Variants in CYP27A1 observed in about 807,000 individuals in gnomAD.
The protein encoded by CYP27A1 is cytochrome P450 family 27 subfamily A member 1.
A neutral mutation model predicts 58.2 loss-of-function variants in CYP27A1; 46 were observed. That is an observed-to-expected ratio of 0.79 (90% CI 0.62 to 1.01). The LOEUF (loss-of-function observed/expected upper bound fraction) is 1.01, where lower values mean the gene tolerates loss of function less well. Ranked by LOEUF, CYP27A1 falls within the 50% of genes least tolerant of loss-of-function variation. The probability of loss-of-function intolerance (pLI) is 0.00; values close to 1 mark genes in which losing one functional copy is unlikely to be tolerated. For synonymous variants in CYP27A1, 274 were observed against 285.1 expected (o/e 0.96, Z 0.39); for missense variants, 704 against 687.0 (o/e 1.02, Z -0.28).
At chr2:218,790,339 A>G (rs1455293815) in intron 1 of CYP27A1, among the ~76,000 whole-genome samples, 2 of 152,236 alleles carry the variant, frequency 1.3e-5, no homozygotes, top group African/African-American at 4.8e-5. Context: ...ACAGTGCACC[A>G]CGGAGACTAC....
At chr2:218,783,918 G>A (rs180987562) in intron 1 of CYP27A1, among the ~76,000 whole-genome samples, 12 of 152,292 alleles carry the variant, frequency 7.9e-5, no homozygotes, top group Admixed American at 7.8e-4. Context: ...GTTCCTCTGA[G>A]GGGCCATGGT....
At chr2:218,808,306 G>A (rs929485378) in intron 1 of CYP27A1, among the ~76,000 whole-genome samples, 2 of 152,234 alleles carry the variant, frequency 1.3e-5, no homozygotes, top group African/African-American at 4.8e-5. Flanking sequence ...GTGTTCCTGG[G>A]AGGTAGAAAT....
chr2:218,814,737 A>G lies in CYP27A1; in HGVS notation c.1456A>G (p.Met486Val), dbSNP rs150585977. 1.9e-6 allele frequency: 3 copies of G among 1,613,986 alleles called. No homozygotes were observed. Among genetic ancestry groups the G allele is most frequent in the South Asian group, 1.1e-5 (1 of 91,078 alleles). Residue 486 changes from methionine (M) to valine (V), a missense_variant, in exon 8 of 9, where the codon ATG becomes GTG. Coordinates refer to ENST00000258415, the MANE Select transcript of CYP27A1 (RefSeq NM_000784.4). ...GGGCCGCAGGATTGCAGAGCTGGAGATGCAGCTACTCCTCGCAAGGGTGAG... is the reference window on the plus strand; with the variant it reads ...GGGCCGCAGGATTGCAGAGCTGGAGGTGCAGCTACTCCTCGCAAGGGTGAG... ...CLGRRIAELE[M>V]QLLLARLIQK...
intron 4 of CYP27A1, 41 bp from the exon 5 acceptor site, chr2:218,812,882 AC>A (rs1483471195): frequency 2.5e-6 from 4 of 1,613,554 alleles, no homozygotes; most frequent in African/African-American, 1.3e-5. Context: ...GGAGATCATG[AC>A]TTTTGGCTTT....
chr2:218,797,171 C>T (rs981146602), intron 1 of CYP27A1, among the ~76,000 whole-genome samples: 4 of 152,176 alleles, frequency 2.6e-5, no homozygotes, highest in African/African-American at 7.2e-5. Context: ...TCTTGGCTCA[C>T]TGCAATCTCC....
chr2:218,798,411 A>G (rs11904500), intron 1 of CYP27A1, among the ~76,000 whole-genome samples: 4 of 152,204 alleles, frequency 2.6e-5, no homozygotes, highest in South Asian at 2.1e-4. Context: ...ACTCCTGGCA[A>G]TTTTAACTTT....
chr2:218,800,067 G>T (rs1451739338), intron 1 of CYP27A1, among the ~76,000 whole-genome samples: 2 of 152,124 alleles, frequency 1.3e-5, no homozygotes, highest in Admixed American at 1.3e-4. Context: ...CCATTGCTGA[G>T]AAACTCCTGC....
intron 1 of CYP27A1, among the ~76,000 whole-genome samples, chr2:218,787,952 C>A (rs1943455282): frequency 6.6e-6 from 1 of 152,218 alleles, no homozygotes; most frequent in African/African-American, 2.4e-5. Flanking sequence ...CAAACTATCC[C>A]AAACCGTGGT....
At chr2:218,807,610 T>C (rs1222571022) in intron 1 of CYP27A1, among the ~76,000 whole-genome samples, 1 of 152,128 alleles carries the variant, frequency 6.6e-6, no homozygotes, top group Non-Finnish European at 1.5e-5. Flanking sequence ...CCTCCCATAG[T>C]AATCACTTTA....
At chr2:218,790,716 G>C (rs1265777200) in intron 1 of CYP27A1, among the ~76,000 whole-genome samples, 5 of 141,136 alleles carry the variant, frequency 3.5e-5, no homozygotes, top group African/African-American at 8.0e-5. Flanking sequence ...TTTTTTTTTT[G>C]AGATGGAGTC....
chr2:218,789,049 T>G (rs1023960587), intron 1 of CYP27A1, among the ~76,000 whole-genome samples: 1 of 152,232 alleles, frequency 6.6e-6, no homozygotes, highest in African/African-American at 2.4e-5. Context: ...TATGCCAATT[T>G]AGCAATTACA....
chr2:218,789,689 G>GCTAAACTTGA (rs1246694913), intron 1 of CYP27A1, among the ~76,000 whole-genome samples: 1 of 152,164 alleles, frequency 6.6e-6, no homozygotes, highest in Admixed American at 6.5e-5. Context: ...GCAGCTTTAG[G>GCTAAACTTGA]CTAAACTTGA....
intron 1 of CYP27A1, among the ~76,000 whole-genome samples, chr2:218,801,252 A>G (rs1382475563): frequency 6.6e-6 from 1 of 152,198 alleles, no homozygotes. Context: ...TGTTTGTAAT[A>G]TCAGCACTTT....
At chr2:218,792,558 T>C (rs1414628166) in intron 1 of CYP27A1, among the ~76,000 whole-genome samples, 3 of 152,208 alleles carry the variant, frequency 2.0e-5, no homozygotes, top group Non-Finnish European at 4.4e-5. Context: ...TGTCCTTTCA[T>C]GAACCTCCTT....
At chr2:218,805,098 C>T (rs867266933) in intron 1 of CYP27A1, among the ~76,000 whole-genome samples, 6 of 152,152 alleles carry the variant, frequency 3.9e-5, no homozygotes, top group Non-Finnish European at 8.8e-5. Context: ...TGCAGCAACA[C>T]GGGGTTTAGG....
At chr2:218,810,686 G>A (rs1398829128) in intron 2 of CYP27A1, among the ~76,000 whole-genome samples, 2 of 152,156 alleles carry the variant, frequency 1.3e-5, no homozygotes, top group African/African-American at 4.8e-5. Flanking sequence ...CTACTGTTGA[G>A]AGAGTTTTAC....
chr2:218,797,217 A>C (rs1943555837), intron 1 of CYP27A1, among the ~76,000 whole-genome samples: 1 of 152,138 alleles, frequency 6.6e-6, no homozygotes, highest in African/African-American at 2.4e-5. Context: ...CTCCTGCCTC[A>C]GCCTCCTGAG....
At chr2:218,810,325 G>C (rs995449765) in intron 2 of CYP27A1, among the ~76,000 whole-genome samples, 5 of 152,084 alleles carry the variant, frequency 3.3e-5, no homozygotes, top group Non-Finnish European at 5.9e-5. Context: ...CTGCCACTGA[G>C]GGTAAGATTT....
intron 5 of CYP27A1, 38 bp downstream of exon 5, chr2:218,813,134 C>T (rs1386577819): frequency 7.6e-6 from 12 of 1,573,070 alleles, no homozygotes; most frequent in Non-Finnish European, 1.0e-5. Context: ...GGGCCCCCAG[C>T]TCCCAACCTG....
Sources: allele counts gnomAD v4.1 joint callset (sites outside exome capture counted in the v4.1 genomes callset), GRCh38; gene constraint gnomAD v4.1.1; transcripts MANE v1.5; gene names NCBI Gene and HGNC (gene_info 2026-07-23, HGNC 2026-07-21).